Variants in IQGAP2 observed in about 807,000 individuals in gnomAD.
IQGAP2 encodes the protein IQ motif containing GTPase activating protein 2, also known as ras GTPase-activating-like protein IQGAP2.
In IQGAP2, 173 loss-of-function variants were observed where a neutral mutation model predicts 201.3. The observed-to-expected ratio is 0.86, with a 90% confidence interval of 0.76 to 0.98. The LOEUF (loss-of-function observed/expected upper bound fraction) is 0.98, where lower values mean the gene tolerates loss of function less well. Among genes scored for constraint, IQGAP2 ranks in the 50% least tolerant of loss-of-function variants. The pLI is 0.00. For missense variants in IQGAP2, 1,687 were observed against 1,864.8 expected, an observed-to-expected ratio of 0.90 and a Z score of 1.76; for synonymous variants, 675 against 673.9, an observed-to-expected ratio of 1.00 and a Z score of -0.03.
At chr5:76,584,984 C>T (rs929048093) in intron 5 of IQGAP2, among the ~76,000 whole-genome samples, 3 of 152,204 alleles carry the variant, frequency 2.0e-5, no homozygotes, top group African/African-American at 4.8e-5. Context: ...CATTTATACA[C>T]AGAAGAACCA....
At position 76,562,522 on chromosome 5, in the gene IQGAP2, G is replaced by T. The variant is rs1326314501; in HGVS notation, c.273G>T (p.Lys91Asn). ...CCCCGAAAATGGTATCAGAGAAAAA[G>T]ATCTATGATGTGGAACAAACACGTT... is the stretch of plus-strand genomic sequence containing the variant. ...FFAPKMVSEK[K>N]IYDVEQTRYK... Residue 91 changes from lysine (K) to asparagine (N), a missense_variant, in exon 3 of 36, where the codon AAG (lysine) becomes AAT (asparagine). Lys to Asn is a moderately conservative substitution (Grantham distance 94, BLOSUM62 0). Coordinates refer to ENST00000274364, the MANE Select transcript of IQGAP2 (RefSeq NM_006633.5). The T allele has an allele frequency of 6.2e-7, 1 of 1,613,984 alleles. No homozygotes were observed. The highest frequency in any genetic ancestry group is 1.7e-5 in the Admixed American group (1 of 59,992).
chr5:76,556,391 TGGC>T (rs1185961857), intron 2 of IQGAP2, among the ~76,000 whole-genome samples: 5 of 152,292 alleles, frequency 3.3e-5, no homozygotes, highest in African/African-American at 1.2e-4. Flanking sequence ...TAGTTCCCGC[TGGC>T]ATTCACCTGT....
At chr5:76,684,143 A>G (rs1745541024) in intron 30 of IQGAP2, among the ~76,000 whole-genome samples, 1 of 152,244 alleles carries the variant, frequency 6.6e-6, no homozygotes, top group South Asian at 2.1e-4. Context: ...TTAGTTTTCC[A>G]TGTAGTAATT....
At chr5:76,541,576 A>C (rs867160251) in intron 2 of IQGAP2, among the ~76,000 whole-genome samples, 1 of 152,360 alleles carries the variant, frequency 6.6e-6, no homozygotes, top group Middle Eastern at 3.4e-3. Context: ...AAGTAATTCT[A>C]CGTTTCACTT....
At chr5:76,557,618 C>A (rs921604099) in intron 2 of IQGAP2, among the ~76,000 whole-genome samples, 6 of 152,154 alleles carry the variant, frequency 3.9e-5, no homozygotes, top group Admixed American at 6.5e-5. Flanking sequence ...CAGTCAGAAT[C>A]TTTCATAACC....
intron 33 of IQGAP2, among the ~76,000 whole-genome samples, chr5:76,700,805 C>T (rs997360440): frequency 6.6e-6 from 1 of 152,150 alleles, no homozygotes; most frequent in Non-Finnish European, 1.5e-5. Flanking sequence ...GTTCAATATA[C>T]CTGAGAAAAT....
intron 1 of IQGAP2, among the ~76,000 whole-genome samples, chr5:76,434,117 G>T (rs1471211042): frequency 6.6e-6 from 1 of 152,108 alleles, no homozygotes; most frequent in Non-Finnish European, 1.5e-5. Flanking sequence ...CTCTAGGCTT[G>T]GTTCAGGTTG....
chr5:76,546,950 A>C (rs1689070635), intron 2 of IQGAP2, among the ~76,000 whole-genome samples: 2 of 152,164 alleles, frequency 1.3e-5, no homozygotes, highest in South Asian at 4.1e-4. Flanking sequence ...TCTTGGTGAC[A>C]ATGATTGACG....
Position 76,671,843 on chromosome 5 carries a change from G to A in IQGAP2, c.2928G>A (p.Arg976=). 2 of 1,614,038 alleles carry A rather than the reference G, an allele frequency of 1.2e-6. No individual in the cohort carries two copies. The highest frequency in any genetic ancestry group is 2.2e-5 in the East Asian group (1 of 44,884). Residue 976 remains arginine (R), a synonymous_variant, in exon 24 of 36, where the codon CGG becomes CGA. Coordinates refer to ENST00000274364, the MANE Select transcript of IQGAP2 (RefSeq NM_006633.5). ...KMVVSFNRGA[R]GQNTLRQLLA... ...TCGTCAGCTTCAATAGAGGTGCCCG[G>A]GGACAGAACACCCTGCGCCAACTCC...
chr5:76,499,390 A>C (rs1199685318), intron 2 of IQGAP2, among the ~76,000 whole-genome samples: 2 of 152,212 alleles, frequency 1.3e-5, no homozygotes, highest in African/African-American at 4.8e-5. Context: ...CAATATTAAA[A>C]GTATTGTTGC....
At chr5:76,488,313 A>G (rs1756298017) in intron 2 of IQGAP2, among the ~76,000 whole-genome samples, 1 of 152,206 alleles carries the variant, frequency 6.6e-6, no homozygotes, top group South Asian at 2.1e-4. Flanking sequence ...GTATCTGTTA[A>G]TCAAGTTCTA....
At chr5:76,637,249 A>G (rs1751218961) in intron 16 of IQGAP2, 73 bp downstream of exon 16, 5 of 1,213,606 alleles carry the variant, frequency 4.1e-6, no homozygotes, top group Non-Finnish European at 5.7e-6. Flanking sequence ...TTTCTGAATC[A>G]TGGAAGTGAT....
chr5:76,652,704 G>A, intron 17 of IQGAP2, 46 bp from the exon 18 acceptor site: 3 of 1,349,852 alleles, frequency 2.2e-6, no homozygotes, highest in Non-Finnish European at 3.2e-6. Flanking sequence ...TAGATAAATT[G>A]GGAAACTTGC....
chr5:76,473,803 T>G (rs771921195), intron 2 of IQGAP2, among the ~76,000 whole-genome samples: 13 of 152,230 alleles, frequency 8.5e-5, no homozygotes, highest in Non-Finnish European at 1.6e-4. Flanking sequence ...TTTCAAAGAA[T>G]GCTTGGCTTT....
intron 1 of IQGAP2, among the ~76,000 whole-genome samples, chr5:76,450,548 A>G (rs1753675459): frequency 6.6e-6 from 1 of 152,336 alleles, no homozygotes; most frequent in Middle Eastern, 3.4e-3. Flanking sequence ...TGTCCCATCT[A>G]TCTGATGAGA....
intron 23 of IQGAP2, 61 bp from the exon 24 acceptor site, chr5:76,671,698 A>G (rs1744339487): frequency 7.8e-7 from 1 of 1,275,682 alleles, no homozygotes; most frequent in East Asian, 2.4e-5. Flanking sequence ...GGAAAAAAAA[A>G]AAAAAAAAAA....
rs143699665 is a variant in IQGAP2 at position 76,589,622 on chromosome 5, A to T, written c.534A>T (p.Glu178Asp). 4 of 1,571,204 alleles carry T rather than the reference A, an allele frequency of 2.5e-6. No homozygotes were observed. The highest frequency in any genetic ancestry group is 3.5e-6 in the Non-Finnish European group (4 of 1,148,928). ...LLGKVDFTEE[E>D]ISNMRKELEK... ...TATTTTGTTCTTTGTTAGAGGAGGA[A>T]ATCAGTAATATGAGAAAAGAACTTG... Residue 178 changes from glutamate to aspartate, a missense_variant, in exon 7 of 36, where the codon GAA becomes GAT. Coordinates refer to ENST00000274364, the MANE Select transcript of IQGAP2 (RefSeq NM_006633.5).
At chr5:76,555,094 C>G (rs1315861935) in intron 2 of IQGAP2, among the ~76,000 whole-genome samples, 1 of 152,094 alleles carries the variant, frequency 6.6e-6, no homozygotes, top group Non-Finnish European at 1.5e-5. Context: ...ATGAAATGTT[C>G]AGAATAGGCA....
intron 35 of IQGAP2, among the ~76,000 whole-genome samples, chr5:76,705,563 T>A (rs1439099046): frequency 6.6e-6 from 1 of 152,250 alleles, no homozygotes; most frequent in Non-Finnish European, 1.5e-5. Flanking sequence ...TAGACTTTGT[T>A]TAACAGATGT....
Sources: allele counts gnomAD v4.1 joint callset (sites outside exome capture counted in the v4.1 genomes callset), GRCh38; gene constraint gnomAD v4.1.1; transcripts MANE v1.5; gene names NCBI Gene and HGNC (gene_info 2026-07-23, HGNC 2026-07-21).